CMSS1: variants seen among roughly 807,000 people sequenced by gnomAD.
The protein encoded by CMSS1 is cms1 ribosomal small subunit homolog.
CMSS1 carries 33 observed loss-of-function variants against 43.5 expected under a neutral mutation model. The ratio of observed to expected loss-of-function variants is 0.76; its 90% CI spans 0.57 to 1.01. The LOEUF (loss-of-function observed/expected upper bound fraction) is 1.01, where lower values mean the gene tolerates loss of function less well. Ranked by LOEUF, CMSS1 falls within the 50% of genes least tolerant of loss-of-function variation. The pLI, the probability that CMSS1 is intolerant of heterozygous loss-of-function variation, is 0.00. For synonymous variants in CMSS1, 115 were observed against 117.2 expected (o/e 0.98, Z 0.12); for missense variants, 313 against 326.4 (o/e 0.96, Z 0.32).
chr3:100,077,852 A>G (rs2065874113), intron 1 of CMSS1, among the ~76,000 whole-genome samples: 1 of 152,170 alleles, frequency 6.6e-6, no homozygotes, highest in Admixed American at 6.5e-5. Flanking sequence ...AGGCTATAGT[A>G]AGCTGTGTTC....
chr3:100,002,080 G>A (rs75392588), intron 1 of CMSS1, among the ~76,000 whole-genome samples: 1,794 of 152,240 alleles, frequency 0.012, 14 homozygotes, highest in African/African-American at 0.018. Flanking sequence ...GGAAAAGCGC[G>A]GTGCCACTGC....
chr3:100,048,739 C>A (rs994564837), intron 1 of CMSS1, among the ~76,000 whole-genome samples: 5 of 152,138 alleles, frequency 3.3e-5, no homozygotes, highest in African/African-American at 1.2e-4. Context: ...AGCCCCTGTA[C>A]ATGGACAAAG....
chr3:99,959,664 A>G (rs1708436801), intron 1 of CMSS1, among the ~76,000 whole-genome samples: 1 of 152,200 alleles, frequency 6.6e-6, no homozygotes, highest in South Asian at 2.1e-4. Flanking sequence ...AGATGGAACA[A>G]AATTAGTTGT....
intron 4 of CMSS1, among the ~76,000 whole-genome samples, chr3:100,165,307 C>G (rs964931775): frequency 1.3e-5 from 2 of 151,476 alleles, no homozygotes; most frequent in African/African-American, 4.9e-5. Context: ...TCAGTCCAGC[C>G]CCTGTTTTAT....
rs1664625346 is a variant in CMSS1 at position 100,180,482 on chromosome 3, A to G, written c.*2094A>G. On this transcript the variant is annotated 3_prime_UTR_variant, in exon 10 of 10. Coordinates refer to ENST00000421999, the MANE Select transcript of CMSS1 (RefSeq NM_032359.4). The stretch of plus-strand genomic sequence containing the variant: ...TTAGAAATTTCTGCCGGATACCCTA[A>G]GTCATCTCTCCCAAGTTCAAAGTTA... The G allele has an allele frequency of 6.6e-6, 1 of 152,212 alleles. No homozygotes were observed. Among genetic ancestry groups the G allele is most frequent in the South Asian group, 2.1e-4 (1 of 4,828 alleles). The allele number at this position is 152,212 out of a possible 1,614,324, so 9.4% of individuals were successfully genotyped here.
chr3:99,872,091 C>T (rs892141347), intron 1 of CMSS1, among the ~76,000 whole-genome samples: 10 of 152,212 alleles, frequency 6.6e-5, no homozygotes, highest in Non-Finnish European at 1.0e-4. Flanking sequence ...TAAGGAAAAA[C>T]TACTGGTGAG....
intron 1 of CMSS1, among the ~76,000 whole-genome samples, chr3:99,882,387 T>A (rs1194299585): frequency 6.6e-6 from 1 of 152,176 alleles, no homozygotes; most frequent in Non-Finnish European, 1.5e-5. Flanking sequence ...ATATAAGCAG[T>A]CAGTGGTGGT....
intron 1 of CMSS1, among the ~76,000 whole-genome samples, chr3:99,866,114 T>C (rs1944501324): frequency 6.6e-6 from 1 of 152,140 alleles, no homozygotes; most frequent in South Asian, 2.1e-4. Context: ...GTAGAAAGCA[T>C]GTATCCTTTT....
At chr3:99,950,612 C>T (rs866135354) in intron 1 of CMSS1, among the ~76,000 whole-genome samples, 10 of 152,292 alleles carry the variant, frequency 6.6e-5, no homozygotes, top group African/African-American at 1.9e-4. Context: ...CAGGAAGTGG[C>T]CCATGGCTGT....
chr3:99,912,621 A>G (rs1271441099), intron 1 of CMSS1, among the ~76,000 whole-genome samples: 2 of 152,090 alleles, frequency 1.3e-5, no homozygotes, highest in Non-Finnish European at 2.9e-5. Flanking sequence ...CAAGCAGTCC[A>G]CCTGCCTCAG....
chr3:99,886,373 C>T (rs545751108), intron 1 of CMSS1, among the ~76,000 whole-genome samples: 1 of 151,352 alleles, frequency 6.6e-6, no homozygotes, highest in African/African-American at 2.4e-5. Flanking sequence ...ATCTCTTGTA[C>T]CATACATAAA....
At chr3:99,937,781 C>T (rs1707725779) in intron 1 of CMSS1, among the ~76,000 whole-genome samples, 1 of 152,102 alleles carries the variant, frequency 6.6e-6, no homozygotes, top group Non-Finnish European at 1.5e-5. Flanking sequence ...AAACCACTGG[C>T]TAGAAATTAG....
intron 1 of CMSS1, among the ~76,000 whole-genome samples, chr3:99,959,964 C>A (rs765544483): frequency 2.0e-5 from 3 of 152,078 alleles, no homozygotes; most frequent in Non-Finnish European, 4.4e-5. Flanking sequence ...CTGTCACTTG[C>A]AGAAAAAAAG....
Position 100,149,058 on chromosome 3 carries a change from A to G in CMSS1, c.153+1997A>G, listed in dbSNP as rs539810351. The stretch of plus-strand genomic sequence containing the variant: ...CCTCTAATCAATGTCTACCTACAGG[A>G]CTTACTTGCACGTAGTCTTCTTCAT... On this transcript the variant is annotated intron_variant, in intron 2 of 9. Transcript: ENST00000421999. Among the ~76,000 whole-genome samples the G allele has an allele frequency of 3.3e-5, 5 of 152,236 alleles. No homozygotes were observed. The South Asian group carries it at 1.0e-3, about 32-fold the overall frequency.
At chr3:100,080,931 T>C (rs2065922698) in intron 1 of CMSS1, among the ~76,000 whole-genome samples, 2 of 152,204 alleles carry the variant, frequency 1.3e-5, no homozygotes, top group South Asian at 4.1e-4. Flanking sequence ...AAGGATGAGT[T>C]GAGAGTATTA....
At chr3:100,177,823 CAAT>C (rs769344320) in intron 9 of CMSS1, among the ~76,000 whole-genome samples, 9 of 151,946 alleles carry the variant, frequency 5.9e-5, no homozygotes, top group African/African-American at 1.9e-4. Flanking sequence ...CTCTACAAAA[CAAT>C]AATAATAATA....
intron 9 of CMSS1, among the ~76,000 whole-genome samples, chr3:100,177,512 A>T (rs1318604528): frequency 6.6e-6 from 1 of 152,216 alleles, no homozygotes; most frequent in African/African-American, 2.4e-5. Context: ...CTCAGCAGTT[A>T]TCCTAAGGCA....
chr3:99,909,900 A>G (rs1706739229), intron 1 of CMSS1, among the ~76,000 whole-genome samples: 1 of 152,138 alleles, frequency 6.6e-6, no homozygotes. Flanking sequence ...AACCCTTCAT[A>G]TTCAGAGTTC....
At chr3:99,989,978 A>G (rs971015219) in intron 1 of CMSS1, among the ~76,000 whole-genome samples, 8 of 152,144 alleles carry the variant, frequency 5.3e-5, no homozygotes, top group African/African-American at 1.4e-4. Flanking sequence ...ACCCAAAGCA[A>G]TAATGCCAGT....
Sources: allele counts gnomAD v4.1 joint callset (sites outside exome capture counted in the v4.1 genomes callset), GRCh38; gene constraint gnomAD v4.1.1; transcripts MANE v1.5; gene names NCBI Gene and HGNC (gene_info 2026-07-23, HGNC 2026-07-21).